SYN2: variants seen among roughly 807,000 people sequenced by gnomAD.
SYN2 encodes the protein synapsin II.
SYN2 carries 19 observed loss-of-function variants against 50.9 expected under a neutral mutation model. That is an observed-to-expected ratio of 0.37 (90% confidence interval 0.26 to 0.55). The LOEUF is 0.55. Among genes scored for constraint, SYN2 ranks in the 20% least tolerant of loss-of-function variants. The pLI is 0.81. For missense variants in SYN2, 587 were observed against 576.4 expected, an observed-to-expected ratio of 1.02 and a Z score of -0.19; for synonymous variants, 255 against 224.9, an observed-to-expected ratio of 1.13 and a Z score of -1.20.
intron 1 of SYN2, among the ~76,000 whole-genome samples, chr3:12,102,041 A>G (rs1460751386): frequency 1.3e-5 from 2 of 152,158 alleles, no homozygotes; most frequent in Non-Finnish European, 2.9e-5. Flanking sequence ...GAAATCATGT[A>G]TGATTGGACA....
intron 1 of SYN2, among the ~76,000 whole-genome samples, chr3:12,017,377 T>C (rs961454340): frequency 1.3e-5 from 2 of 152,218 alleles, no homozygotes; most frequent in Non-Finnish European, 2.9e-5. Flanking sequence ...ATGAGGAAAC[T>C]ATAGCTCACA....
chr3:12,132,212 T>C (rs1286532013), intron 1 of SYN2, among the ~76,000 whole-genome samples: 1 of 152,060 alleles, frequency 6.6e-6, no homozygotes, highest in Non-Finnish European at 1.5e-5. Context: ...CTGTGTTCAG[T>C]AACTCTATAA....
Position 12,109,938 on chromosome 3 carries a change from C to T in SYN2, c.378-30713C>T, listed in dbSNP as rs1696277638. On this transcript the variant is annotated intron_variant, in intron 1 of 12. Coordinates refer to ENST00000621198, the MANE Select transcript of SYN2 (RefSeq NM_133625.6). ...GGCACAGTGGCTCATGCCTGTAATC[C>T]CAACTCTCCAAGGCCAAGATGGGAG... is the stretch of plus-strand genomic sequence containing the variant. Among the ~76,000 whole-genome samples the T allele has an allele frequency of 2.0e-5, 3 of 152,240 alleles. No homozygotes were observed. In the South Asian group the frequency reaches 6.2e-4, roughly 32 times the overall value.
chr3:12,106,539 TA>T (rs1282817888), intron 1 of SYN2, among the ~76,000 whole-genome samples: 1 of 152,194 alleles, frequency 6.6e-6, no homozygotes, highest in Non-Finnish European at 1.5e-5. Flanking sequence ...TGCCACATCA[TA>T]ACGTTTAGTA....
chr3:12,018,283 A>G (rs1261676057), intron 1 of SYN2, among the ~76,000 whole-genome samples: 2 of 152,174 alleles, frequency 1.3e-5, no homozygotes, highest in Non-Finnish European at 2.9e-5. Context: ...AGAGATAGTA[A>G]AAATATAGTA....
At chr3:12,022,608 C>T (rs531197333) in intron 1 of SYN2, among the ~76,000 whole-genome samples, 73 of 151,676 alleles carry the variant, frequency 4.8e-4, no homozygotes, top group Non-Finnish European at 9.3e-4. Context: ...CAGGGTTTCA[C>T]CATATTTACC....
In SYN2 at chr3:12,170,005, C is replaced by T. The variant is rs1178561122; in HGVS notation, c.1308+99C>T. On this transcript the variant is annotated intron_variant, in intron 10 of 12. Transcript: ENST00000621198. ...AAGAATGGAGTACAGGCCAGATGCC[C>T]ACAGGCCTAAATGGGATCTAAGGAG... The T allele has an allele frequency of 5.0e-6, 7 of 1,404,090 alleles. No homozygotes were observed. The East Asian group carries it at 7.5e-5, about 15-fold the overall frequency. The allele number at this position is 1,404,090 out of a possible 1,614,324, so 87.0% of individuals were successfully genotyped here. A position where few individuals can be genotyped will look rare whatever the true frequency, so the allele number is the denominator to read the frequency against.
At chr3:12,085,398 C>T (rs917905715) in intron 1 of SYN2, among the ~76,000 whole-genome samples, 9 of 151,576 alleles carry the variant, frequency 5.9e-5, no homozygotes, top group South Asian at 2.1e-4. Flanking sequence ...CGCACGCACT[C>T]GATGTCAGAG....
At chr3:12,046,645 A>G (rs1013251713) in intron 1 of SYN2, among the ~76,000 whole-genome samples, 2 of 152,192 alleles carry the variant, frequency 1.3e-5, no homozygotes, top group Non-Finnish European at 2.9e-5. Flanking sequence ...ATGTTCGGAA[A>G]TTATTAAAAG....
chr3:12,047,590 A>G (rs1195532751), intron 1 of SYN2, among the ~76,000 whole-genome samples: 1 of 152,120 alleles, frequency 6.6e-6, no homozygotes, highest in Non-Finnish European at 1.5e-5. Flanking sequence ...GAGCTCATTA[A>G]GGGTTTTTGA....
At chr3:12,029,823 A>G in intron 1 of SYN2, among the ~76,000 whole-genome samples, 1 of 95,160 alleles carries the variant, frequency 1.1e-5, no homozygotes, top group Non-Finnish European at 1.9e-5. Context: ...TCGTCTGCAA[A>G]CAGGGACAAT....
At chr3:12,095,533 G>T in intron 1 of SYN2, among the ~76,000 whole-genome samples, 1 of 89,034 alleles carries the variant, frequency 1.1e-5, no homozygotes. Context: ...GGGCGACAAA[G>T]CGAGACTCCG....
At chr3:12,090,416 G>A (rs2125181028) in intron 1 of SYN2, among the ~76,000 whole-genome samples, 1 of 152,282 alleles carries the variant, frequency 6.6e-6, no homozygotes, top group African/African-American at 2.4e-5. Context: ...CCCCCATAAA[G>A]AGATGACACA....
chr3:12,180,146 A>C (rs6781003), intron 10 of SYN2, among the ~76,000 whole-genome samples: 1 of 151,938 alleles, frequency 6.6e-6, no homozygotes, highest in African/African-American at 2.4e-5. Flanking sequence ...ACAGCGTTTC[A>C]TCATGTTATC....
intron 1 of SYN2, among the ~76,000 whole-genome samples, chr3:12,117,384 T>C (rs750254620): frequency 2.6e-5 from 4 of 152,212 alleles, no homozygotes; most frequent in Non-Finnish European, 4.4e-5. Context: ...TGGGATTCAA[T>C]GTTGAGATAG....
chr3:12,033,867 T>G (rs1694435750), intron 1 of SYN2, among the ~76,000 whole-genome samples: 1 of 152,258 alleles, frequency 6.6e-6, no homozygotes, highest in Non-Finnish European at 1.5e-5. Flanking sequence ...TTATGGAATT[T>G]TATTCCTACA....
At chr3:12,028,702 C>T (rs1411741167) in intron 1 of SYN2, among the ~76,000 whole-genome samples, 2,090 of 146,470 alleles carry the variant, frequency 0.014, 37 homozygotes, top group African/African-American at 0.05. Context: ...TCATGTCCTT[C>T]GCCCACTTTT....
rs566277845 is a variant in SYN2 at position 12,086,983 on chromosome 3, C to T, written c.378-53668C>T. Among the ~76,000 whole-genome samples the T allele has an allele frequency of 3.9e-5, 6 of 152,086 alleles. No homozygotes were observed. The South Asian group carries it at 1.0e-3, about 26-fold the overall frequency. ...CTAAAGACTCCACCAAAAAACTATT[C>T]GAACTGATAAATGAATTTAGTTAAG... On this transcript the variant is annotated intron_variant, in intron 1 of 12. Coordinates refer to ENST00000621198, the MANE Select transcript of SYN2 (RefSeq NM_133625.6).
At chr3:12,035,602 G>A (rs1694481840) in intron 1 of SYN2, among the ~76,000 whole-genome samples, 1 of 152,192 alleles carries the variant, frequency 6.6e-6, no homozygotes, top group Admixed American at 6.5e-5. Context: ...GATATACGGA[G>A]GCTATCATAA....
Sources: allele counts gnomAD v4.1 joint callset (sites outside exome capture counted in the v4.1 genomes callset), GRCh38; gene constraint gnomAD v4.1.1; transcripts MANE v1.5; gene names NCBI Gene and HGNC (gene_info 2026-07-23, HGNC 2026-07-21).